PCDH15: variants seen among roughly 807,000 people sequenced by gnomAD.
PCDH15 encodes the protein protocadherin-15.
A neutral mutation model predicts 178.5 loss-of-function variants in PCDH15; 129 were observed. That is an observed-to-expected ratio of 0.72 (90% CI 0.63 to 0.84). The LOEUF (loss-of-function observed/expected upper bound fraction) is 0.84, where lower values mean the gene tolerates loss of function less well. Ranked by LOEUF, PCDH15 falls within the 40% of genes least tolerant of loss-of-function variation. PCDH15 has a pLI of 0.00. For missense variants in PCDH15, 2,230 were observed against 2,099.9 expected, an observed-to-expected ratio of 1.06 and a Z score of -1.21; for synonymous variants, 800 against 732.0, an observed-to-expected ratio of 1.09 and a Z score of -1.50.
chr10:54,347,255 T>G (rs1472912094), intron 5 of PCDH15, among the ~76,000 whole-genome samples: 1 of 152,140 alleles, frequency 6.6e-6, no homozygotes. Context: ...CCCTCCCAGT[T>G]TTTAGGTTTT....
chr10:54,984,453 T>C (rs1839316730), intron 2 of PCDH15, among the ~76,000 whole-genome samples: 1 of 152,222 alleles, frequency 6.6e-6, no homozygotes, highest in Non-Finnish European at 1.5e-5. Context: ...CAGGCCTTGC[T>C]GTGTTTCTCA....
At position 53,808,650 on chromosome 10, in the gene PCDH15, G is replaced by A. The variant is rs774289640; in HGVS notation, c.4672-1520C>T. The A allele has an allele frequency of 1.3e-5, 21 of 1,587,440 alleles. No homozygotes were observed. The African/African-American group carries it at 2.3e-4, about 17-fold the overall frequency. On this transcript the variant is annotated intron_variant, in intron 37 of 37. Transcript: ENST00000644397. ...AACACACAGAAGGCACTGCACACGA[G>A]AGCACTCATCACAGCAAAACTTCCA...
At chr10:54,399,366 A>C (rs1042139383) in intron 3 of PCDH15, among the ~76,000 whole-genome samples, 1 of 152,020 alleles carries the variant, frequency 6.6e-6, no homozygotes, top group Non-Finnish European at 1.5e-5. Flanking sequence ...GGAGGAAAGC[A>C]ATATTACAGT....
At chr10:54,067,020 A>G in intron 17 of PCDH15, 135 bp from the exon 18 acceptor site, 2 of 680,318 alleles carry the variant, frequency 2.9e-6, no homozygotes, top group South Asian at 8.5e-5. Flanking sequence ...CCAAAAAATA[A>G]AAATAAAAAA....
intron 8 of PCDH15, among the ~76,000 whole-genome samples, chr10:54,284,002 T>A (rs571408891): frequency 1.1e-3 from 164 of 152,106 alleles, no homozygotes; most frequent in African/African-American, 3.9e-3. Context: ...CAAATAATTT[T>A]AAAAAAATTT....
chr10:55,061,785 C>A (rs1290464542), intron 2 of PCDH15, among the ~76,000 whole-genome samples: 2 of 152,096 alleles, frequency 1.3e-5, no homozygotes, highest in African/African-American at 2.4e-5. Context: ...CTTTGGGAGG[C>A]CGAGGAGTGG....
At chr10:54,752,948 A>G (rs1255123525) in intron 1 of PCDH15, among the ~76,000 whole-genome samples, 1 of 152,222 alleles carries the variant, frequency 6.6e-6, no homozygotes, top group Non-Finnish European at 1.5e-5. Context: ...ACAAAAGAAG[A>G]ATCTTTAAAA....
intron 1 of PCDH15, among the ~76,000 whole-genome samples, chr10:55,264,250 C>G (rs893472785): frequency 6.6e-6 from 1 of 152,086 alleles, no homozygotes; most frequent in African/African-American, 2.4e-5. Flanking sequence ...AAAGAACAAC[C>G]AGGTCTGAGG....
chr10:54,356,696 A>C (rs1319914894), intron 5 of PCDH15, among the ~76,000 whole-genome samples: 1 of 152,028 alleles, frequency 6.6e-6, no homozygotes, highest in Non-Finnish European at 1.5e-5. Context: ...AACAAAAAAA[A>C]AGCAAAAACT....
intron 3 of PCDH15, among the ~76,000 whole-genome samples, chr10:54,437,799 GT>G (rs1192191411): frequency 2.0e-5 from 3 of 152,106 alleles, no homozygotes; most frequent in Admixed American, 1.3e-4. Context: ...ACATTTAGTT[GT>G]TTTATTTTTA....
chr10:55,008,205 T>C (rs1475042197), intron 2 of PCDH15, among the ~76,000 whole-genome samples: 1 of 151,998 alleles, frequency 6.6e-6, no homozygotes, highest in Non-Finnish European at 1.5e-5. Context: ...AATTTAGGCA[T>C]AGATATTCCA....
At chr10:54,189,484 A>C in intron 11 of PCDH15, 1 of 666,002 alleles carries the variant, frequency 1.5e-6, no homozygotes, top group Non-Finnish European at 2.2e-6. Context: ...CTAGACTGAC[A>C]ATTTTTTTCA....
chr10:54,736,182 C>T (rs1231172312), intron 1 of PCDH15, among the ~76,000 whole-genome samples: 1 of 151,988 alleles, frequency 6.6e-6, no homozygotes, highest in African/African-American at 2.4e-5. Flanking sequence ...TGACCATAGA[C>T]AACAGTATCA....
intron 2 of PCDH15, among the ~76,000 whole-genome samples, chr10:55,085,870 C>T (rs1252102967): frequency 6.6e-6 from 1 of 151,440 alleles, no homozygotes; most frequent in Non-Finnish European, 1.5e-5. Context: ...TTTCAATATC[C>T]ATGTGTAACT....
At chr10:54,290,568 G>A (rs1300927871) in intron 8 of PCDH15, among the ~76,000 whole-genome samples, 3 of 152,110 alleles carry the variant, frequency 2.0e-5, no homozygotes, top group Non-Finnish European at 4.4e-5. Context: ...ATGTAAATGG[G>A]CTAAATGTCC....
intron 28 of PCDH15, among the ~76,000 whole-genome samples, chr10:53,842,442 T>A (rs1159287625): frequency 1.3e-5 from 2 of 152,134 alleles, no homozygotes; most frequent in Non-Finnish European, 2.9e-5. Flanking sequence ...AGACAGTGTT[T>A]CACCATGTTG....
intron 36 of PCDH15, 116 bp downstream of exon 36, chr10:53,811,433 A>G: frequency 1.7e-6 from 1 of 600,210 alleles, no homozygotes; most frequent in Non-Finnish European, 2.7e-6. Context: ...CAAGTATTAT[A>G]CTAGTGAGAT....
At chr10:55,290,180 CAT>C (rs1253658295) in intron 1 of PCDH15, among the ~76,000 whole-genome samples, 1 of 151,686 alleles carries the variant, frequency 6.6e-6, no homozygotes, top group Non-Finnish European at 1.5e-5. Flanking sequence ...ACAAACCGTA[CAT>C]GTTTGTGTGA....
intron 21 of PCDH15, among the ~76,000 whole-genome samples, chr10:53,982,075 A>G (rs1169795133): frequency 6.6e-6 from 1 of 152,230 alleles, no homozygotes; most frequent in East Asian, 1.9e-4. Flanking sequence ...AAAAATGCTC[A>G]TCATCACTGG....
Sources: gnomAD v4.1 joint callset for allele counts (sites outside exome capture counted in the v4.1 genomes callset) on GRCh38, gnomAD v4.1.1 for gene constraint, MANE v1.5 for transcripts, NCBI Gene and HGNC (gene_info 2026-07-23, HGNC 2026-07-21) for gene names.